Variants in IMMP2L observed in about 807,000 individuals in gnomAD.
The protein encoded by IMMP2L is mitochondrial inner membrane protease subunit 2.
Under a neutral mutation model 19.3 loss-of-function variants are expected in IMMP2L, and 18 were observed. That is an observed-to-expected ratio of 0.93 (90% CI 0.64 to 1.38). The LOEUF (loss-of-function observed/expected upper bound fraction) is 1.38, where lower values mean the gene tolerates loss of function less well. IMMP2L is among the 40% of genes most tolerant of loss of function. The pLI is 0.00. For missense variants in IMMP2L, 233 were observed against 218.2 expected, an observed-to-expected ratio of 1.07 and a Z score of -0.43; for synonymous variants, 76 against 73.0, an observed-to-expected ratio of 1.04 and a Z score of -0.21.
At chr7:111,518,412 T>C (rs1846053776) in intron 2 of IMMP2L, among the ~76,000 whole-genome samples, 1 of 151,972 alleles carries the variant, frequency 6.6e-6, no homozygotes, top group African/African-American at 2.4e-5. Context: ...TCTTAAATAA[T>C]GTGTCTACCA....
intron 3 of IMMP2L, among the ~76,000 whole-genome samples, chr7:111,208,201 T>C (rs1219377927): frequency 6.6e-6 from 1 of 152,174 alleles, no homozygotes; most frequent in Non-Finnish European, 1.5e-5. Context: ...CCATATCCAA[T>C]ATGTTGCTAT....
intron 3 of IMMP2L, among the ~76,000 whole-genome samples, chr7:111,308,813 C>T (rs986422506): frequency 1.3e-5 from 2 of 151,968 alleles, no homozygotes; most frequent in African/African-American, 4.8e-5. Flanking sequence ...TTGCAAACTG[C>T]CTTCAATTTG....
chr7:111,487,191 T>G (rs563223590), intron 3 of IMMP2L, 47 bp downstream of exon 3: 1 of 843,048 alleles, frequency 1.2e-6, no homozygotes, highest in Admixed American at 1.9e-5. Flanking sequence ...TCAGCATAAG[T>G]ATAAATAATT....
intron 3 of IMMP2L, among the ~76,000 whole-genome samples, chr7:110,981,135 C>T (rs957426504): frequency 2.0e-5 from 3 of 151,994 alleles, no homozygotes; most frequent in Non-Finnish European, 4.4e-5. Context: ...AGCCTTATTG[C>T]CATATCTATA....
chr7:111,138,866 T>G (rs944337963), intron 3 of IMMP2L, among the ~76,000 whole-genome samples: 3 of 152,154 alleles, frequency 2.0e-5, no homozygotes, highest in Admixed American at 6.6e-5. Context: ...GTAATAAAAC[T>G]TACTTGTAAA....
At position 111,500,849 on chromosome 7, in the gene IMMP2L, T is replaced by C. The variant is rs567062680; in HGVS notation, c.136-13508A>G. On this transcript the variant is annotated intron_variant, in intron 2 of 5. Coordinates refer to ENST00000405709, the MANE Select transcript of IMMP2L (RefSeq NM_032549.4). ...CGTCACCATCATCAAAGACCAAAAG[T>C]AGATAAAACCACAAAGATGGGGGAA... Among the ~76,000 whole-genome samples, 28 of 151,848 alleles carry C rather than the reference T, an allele frequency of 1.8e-4. 1 individual carries two copies. In the East Asian group the frequency reaches 4.9e-3, roughly 26 times the overall value.
intron 3 of IMMP2L, among the ~76,000 whole-genome samples, chr7:111,055,588 CT>C (rs539150574): frequency 4.7e-4 from 72 of 152,338 alleles, no homozygotes; most frequent in African/African-American, 1.6e-3. Flanking sequence ...TCTTTGACCC[CT>C]GTCTGTTGTC....
chr7:110,723,386 C>T (rs1795695204), intron 5 of IMMP2L, among the ~76,000 whole-genome samples: 1 of 152,208 alleles, frequency 6.6e-6, no homozygotes, highest in African/African-American at 2.4e-5. Flanking sequence ...ATGCAGCTGC[C>T]ACATGGCAAT....
At chr7:110,684,333 G>A (rs1051520580) in intron 5 of IMMP2L, among the ~76,000 whole-genome samples, 2 of 151,994 alleles carry the variant, frequency 1.3e-5, no homozygotes, top group Admixed American at 6.6e-5. Context: ...CAGAGAAAAG[G>A]TTGATCATTT....
At chr7:111,182,075 G>A (rs1478442528) in intron 3 of IMMP2L, among the ~76,000 whole-genome samples, 4 of 151,922 alleles carry the variant, frequency 2.6e-5, no homozygotes, top group Admixed American at 2.6e-4. Context: ...TCTTTCCTAA[G>A]TGTCAGAAGA....
chr7:110,671,940 T>C (rs1791950586), intron 5 of IMMP2L, among the ~76,000 whole-genome samples: 1 of 152,142 alleles, frequency 6.6e-6, no homozygotes, highest in East Asian at 1.9e-4. Context: ...GATGCTGAAT[T>C]TGCTAGCCCC....
At chr7:111,340,748 T>C (rs1563078773) in intron 3 of IMMP2L, among the ~76,000 whole-genome samples, 2 of 151,982 alleles carry the variant, frequency 1.3e-5, no homozygotes. Context: ...GAATACTACA[T>C]AGCAAAAAAA....
intron 1 of IMMP2L, among the ~76,000 whole-genome samples, chr7:111,550,634 TA>T (rs775321897): frequency 6.6e-6 from 1 of 152,180 alleles, no homozygotes; most frequent in Non-Finnish European, 1.5e-5. Context: ...CTATTTTAAA[TA>T]AGGCAAAATA....
chr7:111,015,408 G>A (rs1018084947), intron 3 of IMMP2L, among the ~76,000 whole-genome samples: 3 of 152,024 alleles, frequency 2.0e-5, no homozygotes, highest in African/African-American at 7.2e-5. Context: ...AGAGACAGGA[G>A]GAAAGAGGGA....
chr7:111,115,409 A>G (rs890035974), intron 3 of IMMP2L, among the ~76,000 whole-genome samples: 5 of 152,098 alleles, frequency 3.3e-5, no homozygotes, highest in Non-Finnish European at 5.9e-5. Context: ...ATAACTACAA[A>G]TCAGAATTTT....
Position 110,924,679 on chromosome 7 carries a change from G to A in IMMP2L, c.306-37984C>T, listed in dbSNP as rs1302822719. On this transcript the variant is annotated intron_variant, in intron 4 of 5. Transcript: ENST00000405709. This position sits in a 1 kb window ranked among gnomAD's most constrained non-coding sequence, Gnocchi z 4.2. ...TTCTTTTTAATACTTAAACACCAGT[G>A]CTGAGACTCAACAATTTAAATGGCC... Among the ~76,000 whole-genome samples the A allele has an allele frequency of 2.6e-5, 4 of 152,186 alleles. No homozygotes were observed. In the South Asian group the frequency reaches 6.2e-4, roughly 24 times the overall value.
intron 3 of IMMP2L, among the ~76,000 whole-genome samples, chr7:111,469,670 T>C (rs1449035870): frequency 6.6e-6 from 1 of 152,116 alleles, no homozygotes. Flanking sequence ...TGGCTAGCCA[T>C]ATGTACAAAG....
At chr7:111,376,731 A>C (rs1830708190) in intron 3 of IMMP2L, among the ~76,000 whole-genome samples, 1 of 152,148 alleles carries the variant, frequency 6.6e-6, no homozygotes, top group African/African-American at 2.4e-5. Flanking sequence ...GGGAATAAAA[A>C]GTAGTGATAC....
At chr7:111,154,397 T>A (rs1004643347) in intron 3 of IMMP2L, among the ~76,000 whole-genome samples, 4 of 152,110 alleles carry the variant, frequency 2.6e-5, no homozygotes. Context: ...CCAGTGAGAA[T>A]TATAAGCATC....
Sources: gnomAD v4.1 joint callset for allele counts (sites outside exome capture counted in the v4.1 genomes callset) on GRCh38, gnomAD v4.1.1 for gene constraint, Gnocchi (gnomAD v3.1) non-coding constraint, MANE v1.5 for transcripts, NCBI Gene and HGNC (gene_info 2026-07-23, HGNC 2026-07-21) for gene names.